Variants in NTM observed in about 807,000 individuals in gnomAD.
The protein encoded by NTM is neurotrimin.
NTM carries 13 observed loss-of-function variants against 42.1 expected under a neutral mutation model. The observed-to-expected ratio is 0.31, with a 90% CI of 0.20 to 0.49. NTM has a LOEUF of 0.49. NTM is among the 20% of genes least tolerant of loss of function. The pLI is 0.99. For synonymous variants in NTM, 187 were observed against 179.2 expected (o/e 1.04, Z -0.35); for missense variants, 373 against 452.8 (o/e 0.82, Z 1.60).
intron 1 of NTM, among the ~76,000 whole-genome samples, chr11:131,499,311 G>T (rs994018323): frequency 3.3e-5 from 5 of 152,102 alleles, no homozygotes; most frequent in African/African-American, 1.2e-4. Flanking sequence ...CAGAGCCTCG[G>T]CTTCCTAATC....
At chr11:132,165,644 G>T (rs868569838) in intron 3 of NTM, among the ~76,000 whole-genome samples, 2 of 152,126 alleles carry the variant, frequency 1.3e-5, no homozygotes, top group Non-Finnish European at 2.9e-5. Flanking sequence ...CTCAGGGGGG[G>T]TTTAGTCTTG....
At chr11:132,116,077 C>A (rs1301627872) in intron 2 of NTM, among the ~76,000 whole-genome samples, 4 of 152,198 alleles carry the variant, frequency 2.6e-5, no homozygotes, top group Admixed American at 1.3e-4. Flanking sequence ...CTGGATTAGG[C>A]ACCGTATCAG....
intron 1 of NTM, among the ~76,000 whole-genome samples, chr11:131,626,123 C>T (rs894344320): frequency 6.6e-5 from 10 of 151,636 alleles, no homozygotes; most frequent in African/African-American, 2.4e-4. Context: ...TTTTAAGAAT[C>T]CAAGTAACTT....
chr11:132,329,966 C>G (rs1565497294), intron 7 of NTM, 187 bp from the exon 8 acceptor site: 11 of 497,266 alleles, frequency 2.2e-5, no homozygotes, highest in Non-Finnish European at 2.9e-5. Context: ...CCAAGTAAAC[C>G]AGAAAACCAG....
chr11:131,849,247 T>C (rs914533257), intron 1 of NTM, among the ~76,000 whole-genome samples: 1 of 152,196 alleles, frequency 6.6e-6, no homozygotes, highest in African/African-American at 2.4e-5. Flanking sequence ...AGAACTATAT[T>C]AGGCCATTTT....
intron 1 of NTM, among the ~76,000 whole-genome samples, chr11:131,835,377 A>G: frequency 6.6e-6 from 1 of 152,158 alleles, no homozygotes; most frequent in South Asian, 2.1e-4. Context: ...ACTTATCTCT[A>G]GGATGGATAA....
intron 3 of NTM, among the ~76,000 whole-genome samples, chr11:132,147,214 T>TGTGTGTGAGAGAGA (rs1337361068): frequency 8.1e-6 from 1 of 122,830 alleles, no homozygotes; most frequent in Non-Finnish European, 1.7e-5. Context: ...TGTGTGTGTG[T>TGTGTGTGAGAGAGA]GAGAGAGAGA....
intron 1 of NTM, among the ~76,000 whole-genome samples, chr11:131,445,535 G>A (rs185088980): frequency 6.6e-6 from 1 of 152,308 alleles, no homozygotes; most frequent in African/African-American, 2.4e-5. Context: ...TGTGGGGTGT[G>A]ACAGATGAGC....
intron 1 of NTM, among the ~76,000 whole-genome samples, chr11:131,495,357 T>G (rs1955229285): frequency 6.6e-6 from 1 of 152,210 alleles, no homozygotes; most frequent in Admixed American, 6.5e-5. Context: ...GATTGCGTGT[T>G]TTTGCTTGCT....
chr11:131,759,004 A>G (rs1712806891), intron 1 of NTM, among the ~76,000 whole-genome samples: 1 of 152,220 alleles, frequency 6.6e-6, no homozygotes, highest in Admixed American at 6.5e-5. Flanking sequence ...ACCACCCTCA[A>G]TAACTCCATT....
intron 1 of NTM, among the ~76,000 whole-genome samples, chr11:131,378,860 C>G (rs1056473899): frequency 6.6e-6 from 1 of 152,224 alleles, no homozygotes; most frequent in African/African-American, 2.4e-5. Context: ...CCACTGCTCC[C>G]TCCTTCTCAT....
chr11:131,853,278 G>A (rs1053360849), intron 1 of NTM, among the ~76,000 whole-genome samples: 1 of 152,116 alleles, frequency 6.6e-6, no homozygotes, highest in Non-Finnish European at 1.5e-5. Flanking sequence ...TGCAGGATGT[G>A]CAGGTTTGTT....
chr11:132,148,550 C>T (rs2071109057), intron 3 of NTM, among the ~76,000 whole-genome samples: 3 of 152,112 alleles, frequency 2.0e-5, no homozygotes, highest in Non-Finnish European at 4.4e-5. Flanking sequence ...CTTTAGGAAG[C>T]AGGGCCTCAT....
chr11:131,950,700 T>TA (rs1345401493), intron 2 of NTM, among the ~76,000 whole-genome samples: 11 of 152,190 alleles, frequency 7.2e-5, no homozygotes, highest in Non-Finnish European at 1.3e-4. Flanking sequence ...TTACATTAGA[T>TA]ACTGTATATA....
intron 2 of NTM, among the ~76,000 whole-genome samples, chr11:131,979,397 G>A (rs1294462463): frequency 6.6e-6 from 1 of 152,190 alleles, no homozygotes; most frequent in Non-Finnish European, 1.5e-5. Flanking sequence ...GTAATTTCTT[G>A]AGGTTTAGAT....
At chr11:131,728,626 G>A (rs1472252287) in intron 1 of NTM, among the ~76,000 whole-genome samples, 2 of 152,166 alleles carry the variant, frequency 1.3e-5, no homozygotes, top group Admixed American at 6.5e-5. Context: ...GCATGTGGGG[G>A]TTATTTATGT....
intron 2 of NTM, among the ~76,000 whole-genome samples, chr11:132,125,523 G>T (rs1343393464): frequency 4.7e-5 from 7 of 149,886 alleles, no homozygotes; most frequent in Non-Finnish European, 1.0e-4. Flanking sequence ...TGTGGTGTGT[G>T]TGGTGTGTAG....
At chr11:132,148,151 T>G (rs774989790) in intron 3 of NTM, among the ~76,000 whole-genome samples, 27 of 152,222 alleles carry the variant, frequency 1.8e-4, no homozygotes, top group Non-Finnish European at 4.0e-4. Flanking sequence ...AAAAAATGAT[T>G]CTATAAATGA....
At chr11:131,518,105 C>T (rs73572382) in intron 1 of NTM, among the ~76,000 whole-genome samples, 2,624 of 152,268 alleles carry the variant, frequency 0.017, 79 homozygotes, top group African/African-American at 0.057. Flanking sequence ...TTCTTTCATT[C>T]CTTCACTCAC....
Sources: allele counts gnomAD v4.1 joint callset (sites outside exome capture counted in the v4.1 genomes callset), GRCh38; gene constraint gnomAD v4.1.1; transcripts MANE v1.5; gene names NCBI Gene and HGNC (gene_info 2026-07-23, HGNC 2026-07-21).